Variants in CNTNAP5 observed in about 807,000 individuals in gnomAD.
CNTNAP5 encodes contactin associated protein family member 5.
CNTNAP5 carries 72 observed loss-of-function variants against 150.2 expected under a neutral mutation model. The observed-to-expected ratio is 0.48, with a 90% CI of 0.40 to 0.58. The LOEUF is 0.58. Ranked by LOEUF, CNTNAP5 falls within the 20% of genes least tolerant of loss-of-function variation. The pLI is 0.00. For missense variants in CNTNAP5, 1,636 were observed against 1,626.2 expected, an observed-to-expected ratio of 1.01 and a Z score of -0.10; for synonymous variants, 672 against 619.8, an observed-to-expected ratio of 1.08 and a Z score of -1.25.
At chr2:124,802,308 G>A (rs1681987712) in intron 19 of CNTNAP5, among the ~76,000 whole-genome samples, 2 of 152,156 alleles carry the variant, frequency 1.3e-5, no homozygotes, top group African/African-American at 2.4e-5. Context: ...TCCCTGGCAG[G>A]GGTTTGATTT....
At chr2:124,162,075 C>A (rs893757858) in intron 1 of CNTNAP5, among the ~76,000 whole-genome samples, 1 of 152,098 alleles carries the variant, frequency 6.6e-6, no homozygotes, top group Non-Finnish European at 1.5e-5. Flanking sequence ...CCACTCACTA[C>A]CTGAAAGCCT....
intron 11 of CNTNAP5, among the ~76,000 whole-genome samples, chr2:124,599,069 G>A (rs189446907): frequency 2.6e-4 from 40 of 152,238 alleles, no homozygotes; most frequent in African/African-American, 8.9e-4. Context: ...GATGAACCCG[G>A]TACCTCAGAT....
chr2:124,898,847 C>T (rs539356514), intron 21 of CNTNAP5, among the ~76,000 whole-genome samples: 5 of 151,578 alleles, frequency 3.3e-5, no homozygotes, highest in Admixed American at 3.3e-4. Flanking sequence ...CTGCTAACTA[C>T]CACTCCCCCC....
chr2:124,427,745 C>T (rs1692274660), intron 4 of CNTNAP5, among the ~76,000 whole-genome samples: 1 of 152,138 alleles, frequency 6.6e-6, no homozygotes, highest in African/African-American at 2.4e-5. Context: ...GTGTGAGCCA[C>T]CGTGCCCGGC....
intron 3 of CNTNAP5, among the ~76,000 whole-genome samples, chr2:124,261,199 C>A (rs1687444023): frequency 6.6e-6 from 1 of 152,094 alleles, no homozygotes; most frequent in Admixed American, 6.6e-5. Flanking sequence ...AATCTTATTA[C>A]TAAAGAGGTA....
chr2:124,762,352 G>T (rs1194017499), intron 14 of CNTNAP5, among the ~76,000 whole-genome samples: 1 of 151,934 alleles, frequency 6.6e-6, no homozygotes, highest in African/African-American at 2.4e-5. Context: ...TTCATGAGTT[G>T]GATAATAAAT....
intron 13 of CNTNAP5, among the ~76,000 whole-genome samples, chr2:124,726,218 A>T (rs1680154668): frequency 6.6e-6 from 1 of 151,986 alleles, no homozygotes. Context: ...TCTGATTATT[A>T]GTGATATGGT....
chr2:124,533,321 T>A (rs994526615), intron 10 of CNTNAP5, among the ~76,000 whole-genome samples: 4 of 152,138 alleles, frequency 2.6e-5, no homozygotes, highest in African/African-American at 7.2e-5. Context: ...AATTGGAGCA[T>A]TTTAACATCA....
At chr2:124,442,968 A>T (rs1373345497) in intron 5 of CNTNAP5, among the ~76,000 whole-genome samples, 1 of 152,128 alleles carries the variant, frequency 6.6e-6, no homozygotes, top group African/African-American at 2.4e-5. Flanking sequence ...CCTGTGGTAA[A>T]GGCACTCCTA....
intron 3 of CNTNAP5, among the ~76,000 whole-genome samples, chr2:124,324,604 G>T (rs1372200497): frequency 3.3e-5 from 5 of 152,130 alleles, no homozygotes; most frequent in Admixed American, 6.5e-5. Flanking sequence ...ACCAAAGGAA[G>T]TTCAAAGGTG....
intron 17 of CNTNAP5, among the ~76,000 whole-genome samples, chr2:124,784,185 A>C (rs1681515730): frequency 6.6e-6 from 1 of 152,186 alleles, no homozygotes; most frequent in Admixed American, 6.5e-5. Flanking sequence ...AGAAGGGAGG[A>C]TGGAAAGGTG....
chr2:124,224,991 A>G (rs183957329), intron 2 of CNTNAP5, among the ~76,000 whole-genome samples: 69 of 152,228 alleles, frequency 4.5e-4, no homozygotes, highest in Non-Finnish European at 8.5e-4. Context: ...TTTGTTTTAC[A>G]AAGAAAAAAC....
Position 124,798,266 on chromosome 2 carries a change from C to T in CNTNAP5, c.3163C>T (p.Leu1055Phe). The T allele has an allele frequency of 6.2e-7, 1 of 1,613,916 alleles. No individual in the cohort carries two copies. Among genetic ancestry groups the T allele is most frequent in the African/African-American group, 1.3e-5 (1 of 75,046 alleles). ...GACAACCCAGGCACCCAGTCTTTTG[C>T]TCTTTATCAATTCTTCTTCTCAGGA... is the stretch of plus-strand genomic sequence containing the variant. Reference protein sequence around the residue: ...FVTTQAPSLLLFINSSSQDFV... With the variant: ...FVTTQAPSLLFFINSSSQDFV... The change falls in exon 19 of 24, where the codon CTC becomes TTC. Residue 1055 changes from leucine (L) to phenylalanine (F), a missense_variant. Leu to Phe is a conservative substitution (Grantham distance 22, BLOSUM62 0). Transcript: ENST00000682447.
At chr2:124,750,616 C>A (rs1364957938) in intron 14 of CNTNAP5, among the ~76,000 whole-genome samples, 3 of 152,070 alleles carry the variant, frequency 2.0e-5, no homozygotes, top group Admixed American at 2.0e-4. Flanking sequence ...CCTTGAGGAA[C>A]CCTCAGAACA....
intron 2 of CNTNAP5, among the ~76,000 whole-genome samples, chr2:124,237,556 G>T (rs78742345): frequency 0.076 from 11,547 of 152,128 alleles, 610 homozygotes; most frequent in Non-Finnish European, 0.12. Flanking sequence ...AACTGCAGCT[G>T]GGCATGGTGG....
At chr2:124,026,621 G>GAAATGCAGAAA (rs1680897184) in intron 1 of CNTNAP5, among the ~76,000 whole-genome samples, 1 of 152,154 alleles carries the variant, frequency 6.6e-6, no homozygotes, top group African/African-American at 2.4e-5. Flanking sequence ...TCCAGCTCTG[G>GAAATGCAGAAA]GACTTCCTAA....
chr2:124,600,189 G>T (rs1020989228), intron 11 of CNTNAP5, among the ~76,000 whole-genome samples: 75 of 150,496 alleles, frequency 5.0e-4, no homozygotes, highest in South Asian at 2.1e-3. Flanking sequence ...ATAGTAAATG[G>T]TTTTTTTTTT....
At position 124,915,536 on chromosome 2, in the gene CNTNAP5, C is replaced by G. The variant is rs1425423340; in HGVS notation, c.*1248C>G. ...ATTAACATAAGTGAAATGGTCACCT[C>G]TAGCTAACTAGCATTGCTTGATTTC... is the stretch of plus-strand genomic sequence containing the variant. On this transcript the variant is annotated 3_prime_UTR_variant, in exon 24 of 24. Coordinates refer to ENST00000682447, the MANE Select transcript of CNTNAP5 (RefSeq NM_001367498.1). Among the ~76,000 whole-genome samples the G allele has an allele frequency of 6.6e-6, 1 of 151,998 alleles. No individual in the cohort carries two copies. Among genetic ancestry groups the G allele is most frequent in the Non-Finnish European group, 1.5e-5 (1 of 67,954 alleles).
intron 21 of CNTNAP5, among the ~76,000 whole-genome samples, chr2:124,887,337 C>A (rs1336780476): frequency 6.6e-6 from 1 of 152,076 alleles, no homozygotes; most frequent in African/African-American, 2.4e-5. Context: ...ATTAGTAATG[C>A]ATCACAGGTG....
Sources: allele counts gnomAD v4.1 joint callset (sites outside exome capture counted in the v4.1 genomes callset), GRCh38; gene constraint gnomAD v4.1.1; transcripts MANE v1.5; gene names NCBI Gene and HGNC (gene_info 2026-07-23, HGNC 2026-07-21).